WDFY3: variants seen among roughly 807,000 people sequenced by gnomAD.
WDFY3 encodes WD repeat and FYVE domain-containing protein 3.
In WDFY3, 66 loss-of-function variants were observed where a neutral mutation model predicts 409.6. The ratio of observed to expected loss-of-function variants is 0.16; its 90% confidence interval spans 0.13 to 0.20. The LOEUF is 0.20. Among genes scored for constraint, WDFY3 ranks in the 10% least tolerant of loss-of-function variants. The pLI, the probability that WDFY3 is intolerant of heterozygous loss-of-function variation, is 1.00. For synonymous variants in WDFY3, 1,521 were observed against 1,537.1 expected (o/e 0.99, Z 0.25); for missense variants, 3,031 against 4,298.1 (o/e 0.71, Z 8.24).
intron 4 of WDFY3, among the ~76,000 whole-genome samples, chr4:84,853,006 A>G (rs1191124195): frequency 6.6e-6 from 1 of 152,144 alleles, no homozygotes; most frequent in Non-Finnish European, 1.5e-5. Context: ...TGATCTGCCC[A>G]TGATGGCCTC....
intron 32 of WDFY3, among the ~76,000 whole-genome samples, chr4:84,759,658 T>C (rs1742155600): frequency 6.7e-6 from 1 of 148,828 alleles, no homozygotes; most frequent in Admixed American, 6.7e-5. Flanking sequence ...TGATTTTGTA[T>C]CCTGAGACTT....
chr4:84,850,497 A>C (rs143825202), intron 4 of WDFY3, among the ~76,000 whole-genome samples: 190 of 152,164 alleles, frequency 1.2e-3, no homozygotes, highest in African/African-American at 4.3e-3. Context: ...TTGTATTTTT[A>C]GTAGAGATGG....
At chr4:84,766,138 A>C (rs1743590309) in intron 31 of WDFY3, 111 bp from the exon 32 acceptor site, 1 of 1,485,992 alleles carries the variant, frequency 6.7e-7, no homozygotes, top group African/African-American at 1.4e-5. Flanking sequence ...AGATACTATA[A>C]ATTTCAGGGT....
chr4:84,846,980 A>G (rs1447143074), intron 5 of WDFY3, among the ~76,000 whole-genome samples: 1 of 152,122 alleles, frequency 6.6e-6, no homozygotes, highest in Non-Finnish European at 1.5e-5. Flanking sequence ...AAGAGCAGTT[A>G]GACCCAAGGT....
At chr4:84,763,822 A>G (rs1227710733) in intron 32 of WDFY3, among the ~76,000 whole-genome samples, 1 of 152,202 alleles carries the variant, frequency 6.6e-6, no homozygotes, top group Non-Finnish European at 1.5e-5. Flanking sequence ...ATGAAGGACA[A>G]AAAGATTCTA....
chr4:84,740,720 G>C lies in WDFY3; in HGVS notation c.6235-304C>G, dbSNP rs192727082. Among the ~76,000 whole-genome samples the C allele has an allele frequency of 9.9e-5, 15 of 152,216 alleles. No homozygotes were observed. In the East Asian group the frequency reaches 2.9e-3, roughly 29 times the overall value. On this transcript the variant is annotated intron_variant, in intron 38 of 67. Coordinates refer to ENST00000295888, the MANE Select transcript of WDFY3 (RefSeq NM_014991.6). ...GAACACGAGGATGTGACAGCTAGGGGAGTCTCCTCACAAATATATTTTGTT... is the reference window on the plus strand; with the variant it reads ...GAACACGAGGATGTGACAGCTAGGGCAGTCTCCTCACAAATATATTTTGTT...
rs70943383 is a variant in WDFY3 at position 84,965,787 on chromosome 4, C to CG, written c.-226+421dup. The CG allele has an allele frequency of 1.3e-3, 190 of 151,340 alleles. 3 individuals are homozygous for CG. The highest frequency in any genetic ancestry group is 5.4e-3 in the South Asian group (26 of 4,782). 9.4% of individuals were successfully genotyped at this position (151,340 alleles called of 1,614,324 possible). On this transcript the variant is annotated intron_variant, in intron 1 of 67. Coordinates refer to ENST00000295888, the MANE Select transcript of WDFY3 (RefSeq NM_014991.6). ...GGAGCTGAGACCCCGCAGGATGCAG[C>CG]GGGGGGGGGCCAGGGCCTGATCCCC...
intron 44 of WDFY3, among the ~76,000 whole-genome samples, chr4:84,729,440 T>C (rs1233336103): frequency 6.6e-6 from 1 of 151,936 alleles, no homozygotes. Context: ...CAAATCATTT[T>C]TATATGAGAA....
Position 84,716,882 on chromosome 4 carries a change from C to T in WDFY3, c.7875+14G>A, listed in dbSNP as rs771018241. ...AAAGAAACATGATAAAACAGTACTA[C>T]TAAATTGACTCACCTGCAGGAGATA... On this transcript the variant is annotated intron_variant, in intron 49 of 67. Transcript: ENST00000295888. 18 of 1,567,076 alleles carry T rather than the reference C, an allele frequency of 1.1e-5. No homozygotes were observed. Among genetic ancestry groups the T allele is most frequent in the Middle Eastern group, 1.7e-4 (1 of 5,912 alleles).
At chr4:84,689,057 G>A (rs1482333697) in intron 61 of WDFY3, among the ~76,000 whole-genome samples, 1 of 152,180 alleles carries the variant, frequency 6.6e-6, no homozygotes, top group African/African-American at 2.4e-5. Context: ...ATAATGAGTT[G>A]GCTTCATCTG....
chr4:84,911,575 G>C (rs557521984), intron 2 of WDFY3, among the ~76,000 whole-genome samples: 1 of 151,984 alleles, frequency 6.6e-6, no homozygotes, highest in African/African-American at 2.4e-5. Context: ...AACCAACACA[G>C]GTTTAAACTA....
chr4:84,780,114 G>GA lies in WDFY3; in HGVS notation c.4358_4359insT (p.Tyr1454LeufsTer9). 1 of 1,594,740 alleles carries GA rather than the reference G, an allele frequency of 6.3e-7. No homozygotes were observed. Among genetic ancestry groups the GA allele is most frequent in the Non-Finnish European group, 8.5e-7 (1 of 1,171,294 alleles). ...AAGTTTTACAGTTACAAACCTGGTA[G>GA]CCCTTGATTCTTTCCATTTCTTTGC... is the stretch of plus-strand genomic sequence containing the variant. On this transcript the variant is annotated frameshift_variant, in exon 26 of 68. Coordinates refer to ENST00000295888, the MANE Select transcript of WDFY3 (RefSeq NM_014991.6). LOFTEE classifies it high-confidence loss of function.
chr4:84,788,973 T>G (rs1459672984), intron 22 of WDFY3, among the ~76,000 whole-genome samples: 2 of 152,008 alleles, frequency 1.3e-5, no homozygotes, highest in African/African-American at 4.8e-5. Flanking sequence ...TGAGCTGAGA[T>G]CGTGCCACTG....
chr4:84,770,866 CTCAATAA>C (rs1323796157), intron 30 of WDFY3, among the ~76,000 whole-genome samples: 199 of 152,226 alleles, frequency 1.3e-3, no homozygotes, highest in African/African-American at 4.6e-3. Context: ...GAACATTATA[CTCAATAA>C]AGTCTTCAGT....
chr4:84,780,272 C>T lies in WDFY3; in HGVS notation c.4201G>A (p.Val1401Ile). The T allele has an allele frequency of 6.2e-7, 1 of 1,612,670 alleles. No individual in the cohort carries two copies. The highest frequency in any genetic ancestry group is 1.1e-5 in the South Asian group (1 of 90,630). ...LGVRTFVPKP[V>I]ATTLQYVGGA... Reference sequence around the variant, plus strand: ...CCAACGTACTGCAAAGTAGTGGCAACAGGCTTAGGGACAAATGTTCTTACT... The same window carrying T: ...CCAACGTACTGCAAAGTAGTGGCAATAGGCTTAGGGACAAATGTTCTTACT... The change falls in exon 26 of 68, where the codon GTT becomes ATT. Residue 1401 changes from valine (V) to isoleucine (I), a missense_variant. Val to Ile is a conservative substitution (Grantham distance 29). Transcript: ENST00000295888.
chr4:84,739,271 C>G, intron 39 of WDFY3, 152 bp from the exon 40 acceptor site: 1 of 668,190 alleles, frequency 1.5e-6, no homozygotes, highest in Non-Finnish European at 2.5e-6. Context: ...AGGAAGATGC[C>G]ATTTTTAAGA....
At chr4:84,844,591 C>A in intron 5 of WDFY3, 3 of 1,148,436 alleles carry the variant, frequency 2.6e-6, no homozygotes, top group Non-Finnish European at 3.5e-6. Flanking sequence ...CTGGGGTCAA[C>A]ATCATCCAGT....
intron 2 of WDFY3, among the ~76,000 whole-genome samples, chr4:84,902,060 A>G (rs1366263246): frequency 1.3e-5 from 2 of 152,064 alleles, no homozygotes; most frequent in Non-Finnish European, 2.9e-5. Context: ...CTTTTCACAC[A>G]CTCAAGTTTT....
intron 56 of WDFY3, among the ~76,000 whole-genome samples, chr4:84,698,566 C>A (rs1178309151): frequency 6.6e-6 from 1 of 152,132 alleles, no homozygotes; most frequent in East Asian, 1.9e-4. Context: ...AGCCAGTGCT[C>A]CGCCCTTAAT....
Sources: allele counts gnomAD v4.1 joint callset (sites outside exome capture counted in the v4.1 genomes callset), GRCh38; gene constraint gnomAD v4.1.1; transcripts MANE v1.5; gene names NCBI Gene and HGNC (gene_info 2026-07-23, HGNC 2026-07-21).